NUP214: variants seen among roughly 807,000 people sequenced by gnomAD.
NUP214 encodes nucleoporin 214.
Under a neutral mutation model 196.2 loss-of-function variants are expected in NUP214, and 79 were observed. That is an observed-to-expected ratio of 0.40 (90% CI 0.34 to 0.49). The LOEUF is 0.49. NUP214 is among the 20% of genes least tolerant of loss of function. NUP214 has a pLI of 0.58. For missense variants in NUP214, 2,468 were observed against 2,539.0 expected, an observed-to-expected ratio of 0.97 and a Z score of 0.60; for synonymous variants, 1,020 against 990.5, an observed-to-expected ratio of 1.03 and a Z score of -0.56.
intron 33 of NUP214, 163 bp from the exon 34 acceptor site, chr9:131,230,467 G>T: frequency 1.3e-6 from 1 of 749,582 alleles, no homozygotes; most frequent in Admixed American, 2.8e-5. Flanking sequence ...TTGGCCCTGG[G>T]CGATAGCTCA....
chr9:131,203,143 C>T (rs747539703), intron 30 of NUP214, among the ~76,000 whole-genome samples: 4 of 151,550 alleles, frequency 2.6e-5, no homozygotes, highest in Non-Finnish European at 4.4e-5. Context: ...GACGGGGTTT[C>T]GCTGTGTTAG....
chr9:131,146,887 G>A lies in NUP214; in HGVS notation c.1945+583G>A, dbSNP rs1051493717. Among the ~76,000 whole-genome samples, 9 of 150,438 alleles carry A rather than the reference G, an allele frequency of 6.0e-5. No homozygotes were observed. Among genetic ancestry groups the A allele is most frequent in the African/African-American group, 2.0e-4 (8 of 40,882 alleles). Reference sequence around the variant, plus strand: ...AGAGATTGCAGGGAGTCGAGATCACGCCACTGCTCTCCAGCCTGGCGACAG... The same window carrying A: ...AGAGATTGCAGGGAGTCGAGATCACACCACTGCTCTCCAGCCTGGCGACAG... On this transcript the variant is annotated intron_variant, in intron 13 of 35. Transcript: ENST00000359428. The surrounding 1 kb of genome is among the most constrained non-coding windows in gnomAD (Gnocchi z 4.6).
chr9:131,224,247 A>G (rs1035885897), intron 32 of NUP214, among the ~76,000 whole-genome samples: 3 of 152,144 alleles, frequency 2.0e-5, no homozygotes, highest in African/African-American at 7.2e-5. Flanking sequence ...TATAACTACA[A>G]ATTTTTAATG....
chr9:131,128,272 G>A (rs1831424199), intron 2 of NUP214, 60 bp from the exon 3 acceptor site: 9 of 1,539,962 alleles, frequency 5.8e-6, no homozygotes. Flanking sequence ...ACTGGATAGA[G>A]GTTGTGGCTT....
At chr9:131,185,628 C>T (rs1429566201) in intron 24 of NUP214, among the ~76,000 whole-genome samples, 2 of 152,186 alleles carry the variant, frequency 1.3e-5, no homozygotes, top group African/African-American at 4.8e-5. Context: ...GGTTCATGCT[C>T]ATGCAAAAAC....
Position 131,234,178 on chromosome 9 carries a change from A to C in NUP214, c.*691A>C, listed in dbSNP as rs1834954095. The stretch of plus-strand genomic sequence containing the variant: ...GTGGCTCTTGGGTGCCATGTGTCCT[A>C]CTCCAGAGAGGAGGGGGCCGGTCAC... On this transcript the variant is annotated 3_prime_UTR_variant, in exon 36 of 36. Coordinates refer to ENST00000359428, the MANE Select transcript of NUP214 (RefSeq NM_005085.4). The C allele has an allele frequency of 8.6e-6, 2 of 233,188 alleles. No homozygotes were observed. The highest frequency in any genetic ancestry group is 1.1e-4 in the Admixed American group (2 of 17,780). The allele number at this position is 233,188 out of a possible 1,614,324, so 14.4% of individuals were successfully genotyped here.
chr9:131,144,881 C>G lies in NUP214; in HGVS notation c.1769+127C>G, dbSNP rs41296111. The stretch of plus-strand genomic sequence containing the variant: ...ATTTTTTTACCCAGAGTGATACTTG[C>G]AAATGGCAAAAATTCAACCAACATA... On this transcript the variant is annotated intron_variant, in intron 12 of 35. Coordinates refer to ENST00000359428, the MANE Select transcript of NUP214 (RefSeq NM_005085.4). 2,751 of 698,094 alleles carry G rather than the reference C, an allele frequency of 3.9e-3. 10 individuals are homozygous for G. The highest frequency in any genetic ancestry group is 0.016 in the African/African-American group (875 of 55,522). The allele number at this position is 698,094 out of a possible 1,614,324, so 43.2% of individuals were successfully genotyped here. A position where few individuals can be genotyped will look rare whatever the true frequency, so the allele number is the denominator to read the frequency against.
At chr9:131,219,456 A>C (rs1409525207) in intron 31 of NUP214, among the ~76,000 whole-genome samples, 1 of 152,224 alleles carries the variant, frequency 6.6e-6, no homozygotes, top group African/African-American at 2.4e-5. Flanking sequence ...ACCCCTGAGA[A>C]GTCGTGAGAA....
chr9:131,173,319 G>T (rs917841574), intron 21 of NUP214, among the ~76,000 whole-genome samples: 1 of 147,742 alleles, frequency 6.8e-6, no homozygotes, highest in Admixed American at 6.8e-5. Context: ...GCCTCCCAAA[G>T]TGCTGGGATT....
chr9:131,173,792 A>AT (rs1833023187), intron 21 of NUP214, among the ~76,000 whole-genome samples: 2 of 152,016 alleles, frequency 1.3e-5, no homozygotes, highest in East Asian at 3.9e-4. Context: ...ACCAGCATTA[A>AT]TTCTGTCTCT....
At chr9:131,202,460 G>A (rs1445657480) in intron 30 of NUP214, among the ~76,000 whole-genome samples, 1 of 152,132 alleles carries the variant, frequency 6.6e-6, no homozygotes, top group African/African-American at 2.4e-5. Context: ...GTCTAACTCT[G>A]TTGCCCAGGC....
At position 131,146,396 on chromosome 9, in the gene NUP214, C is replaced by T; in HGVS notation, c.1945+92C>T. ...AAGAGTCGTAGCTAACATAGTTGGA[C>T]AAGGTTATTTTTTCTTGCTTCCTGT... On this transcript the variant is annotated intron_variant, in intron 13 of 35. Coordinates refer to ENST00000359428, the MANE Select transcript of NUP214 (RefSeq NM_005085.4). This position sits in a 1 kb window ranked among gnomAD's most constrained non-coding sequence, Gnocchi z 4.6. 1 of 1,301,036 alleles carries T rather than the reference C, an allele frequency of 7.7e-7. No individual in the cohort carries two copies. Among genetic ancestry groups the T allele is most frequent in the South Asian group, 1.3e-5 (1 of 74,408 alleles). 80.6% of individuals were successfully genotyped at this position (1,301,036 alleles called of 1,614,324 possible).
At position 131,144,656 on chromosome 9, in the gene NUP214, G is replaced by A. The variant is rs1181076525; in HGVS notation, c.1671G>A (p.Leu557=). ...SFGSSGFKPT[L]ESTPVPSVSA... ...GATCATCTGGTTTTAAGCCTACCCT[G>A]GAAAGCACACCAGTGCCAAGTGTGT... The change falls in exon 12 of 36, where the codon CTG becomes CTA. Residue 557 remains leucine (L), a synonymous_variant. Coordinates refer to ENST00000359428, the MANE Select transcript of NUP214 (RefSeq NM_005085.4). The A allele has an allele frequency of 2.5e-6, 4 of 1,614,110 alleles. No individual in the cohort carries two copies. In the Middle Eastern group the frequency reaches 4.9e-4, roughly 200 times the overall value.
intron 26 of NUP214, chr9:131,190,559 A>T (rs1833570389): frequency 1.6e-6 from 1 of 627,394 alleles, no homozygotes. Flanking sequence ...AGTTTGCAAA[A>T]AGTTTCTTTT....
At position 131,230,591 on chromosome 9, in the gene NUP214, G is replaced by T. The variant is rs1834847060; in HGVS notation, c.6075-39G>T. The T allele has an allele frequency of 6.2e-6, 10 of 1,611,248 alleles. No individual in the cohort carries two copies. The East Asian group carries it at 2.0e-4, about 32-fold the overall frequency. ...GCTTGCAGATGGGCAAGTGGTGAGA[G>T]GCCCCACTGACCTCAGTCTGTTTCT... On this transcript the variant is annotated intron_variant, in intron 33 of 35. Transcript: ENST00000359428.
In NUP214 at chr9:131,125,599, C is replaced by G. The variant is rs1461400745; in HGVS notation, c.-106C>G. 1.3e-6 allele frequency: 2 copies of G among 1,548,142 alleles called. No homozygotes were observed. Among genetic ancestry groups the G allele is most frequent in the African/African-American group, 2.7e-5 (2 of 73,038 alleles). Reference sequence around the variant, plus strand: ...CGCCGGAAATGCGAGGTCAACTGCGCGCCGCTGGCGCTGAGGGGAGGAAGT... The same window carrying G: ...CGCCGGAAATGCGAGGTCAACTGCGGGCCGCTGGCGCTGAGGGGAGGAAGT... On this transcript the variant is annotated 5_prime_UTR_variant, in exon 1 of 36. Transcript: ENST00000359428. The surrounding 1 kb of genome is among the most constrained non-coding windows in gnomAD (Gnocchi z 4.1).
At chr9:131,214,340 A>G (rs1834333596) in intron 30 of NUP214, among the ~76,000 whole-genome samples, 1 of 152,190 alleles carries the variant, frequency 6.6e-6, no homozygotes, top group Admixed American at 6.5e-5. Context: ...AGTGTGTTAC[A>G]TTTCTTGGCT....
intron 9 of NUP214, among the ~76,000 whole-genome samples, chr9:131,138,287 C>T (rs1213722429): frequency 7.0e-6 from 1 of 143,208 alleles, no homozygotes; most frequent in African/African-American, 2.6e-5. Context: ...GGTATGATCT[C>T]GGCTCACTGC....
At position 131,189,088 on chromosome 9, in the gene NUP214, T is replaced by C. The variant is rs778696372; in HGVS notation, c.3531T>C (p.Pro1177=). Residue 1177 remains proline, a synonymous_variant, in exon 26 of 36, where the codon CCT becomes CCC. Transcript: ENST00000359428. The part of the protein sequence containing the change: ...SLINSLKPSG[P]TPASGQLSSG... ...TAAATTCCCTTAAGCCATCTGGGCC[T>C]ACACCAGCATCCGGTCAGTTATCAT... The C allele has an allele frequency of 5.0e-6, 8 of 1,614,114 alleles. No individual in the cohort carries two copies. In the East Asian group the frequency reaches 1.8e-4, roughly 36 times the overall value.
Sources: allele counts gnomAD v4.1 joint callset (sites outside exome capture counted in the v4.1 genomes callset), GRCh38; gene constraint gnomAD v4.1.1; non-coding constraint Gnocchi (gnomAD v3.1); transcripts MANE v1.5; gene names NCBI Gene and HGNC (gene_info 2026-07-23, HGNC 2026-07-21).